LRRTM4: variants seen among roughly 807,000 people sequenced by gnomAD.
LRRTM4 encodes the protein leucine rich repeat transmembrane neuronal 4, also known as leucine-rich repeat transmembrane neuronal protein 4.
In LRRTM4, 25 loss-of-function variants were observed where a neutral mutation model predicts 47.6. The observed-to-expected ratio is 0.53, with a 90% CI of 0.38 to 0.73. LRRTM4 has a LOEUF of 0.73. Among genes scored for constraint, LRRTM4 ranks in the 30% least tolerant of loss-of-function variants. LRRTM4 has a pLI of 0.00. For missense variants in LRRTM4, 638 were observed against 713.4 expected (o/e 0.89, Z 1.20); for synonymous variants, 311 against 269.5 (o/e 1.15, Z -1.51).
At chr2:76,910,959 T>C (rs929959293) in intron 3 of LRRTM4, among the ~76,000 whole-genome samples, 1 of 152,218 alleles carries the variant, frequency 6.6e-6, no homozygotes, top group African/African-American at 2.4e-5. Context: ...ACATAAAATG[T>C]CTTTACTCAG....
intron 3 of LRRTM4, among the ~76,000 whole-genome samples, chr2:76,785,693 C>T (rs910055008): frequency 2.0e-5 from 3 of 152,120 alleles, no homozygotes; most frequent in Non-Finnish European, 4.4e-5. Flanking sequence ...TCACCCTTCT[C>T]ATATTTGTAT....
chr2:76,818,257 G>T (rs984478265), intron 3 of LRRTM4, among the ~76,000 whole-genome samples: 1 of 151,752 alleles, frequency 6.6e-6, no homozygotes, highest in Admixed American at 6.6e-5. Flanking sequence ...TGAAAACATG[G>T]TGTTTTATTG....
chr2:77,180,919 C>A (rs1265129522), intron 3 of LRRTM4, among the ~76,000 whole-genome samples: 1 of 152,196 alleles, frequency 6.6e-6, no homozygotes, highest in South Asian at 2.1e-4. Flanking sequence ...TCTTTCAGTA[C>A]ACTTACATAT....
At chr2:76,849,758 T>C (rs72819245) in intron 3 of LRRTM4, among the ~76,000 whole-genome samples, 1,997 of 152,250 alleles carry the variant, frequency 0.013, 39 homozygotes, top group East Asian at 0.062. Flanking sequence ...TTTGAATCTG[T>C]ATTTTATAAT....
chr2:77,485,155 A>C (rs1424717407), intron 3 of LRRTM4, among the ~76,000 whole-genome samples: 7 of 151,958 alleles, frequency 4.6e-5, no homozygotes, highest in Non-Finnish European at 8.8e-5. Flanking sequence ...CCTAAATATA[A>C]AATATAAATA....
chr2:77,279,858 C>T lies in LRRTM4; in HGVS notation c.1551+238460G>A, dbSNP rs73943817. ...TAGGATTTGAACTACTGAGCTTGTG[C>T]AAGTGGTTATGAGAGGAAAAAAACA... On this transcript the variant is annotated intron_variant, in intron 3 of 3. Transcript: ENST00000409884. 3.1e-3 allele frequency among the ~76,000 whole-genome samples: 467 copies of T among 151,872 alleles called. 2 individuals carry two copies. The highest frequency in any genetic ancestry group is 0.011 in the African/African-American group (442 of 41,456).
chr2:77,111,307 T>C (rs953038205), intron 3 of LRRTM4, among the ~76,000 whole-genome samples: 3 of 149,126 alleles, frequency 2.0e-5, no homozygotes, highest in Non-Finnish European at 3.0e-5. Context: ...TTTTTTGTAT[T>C]TTATTAGAAA....
At chr2:76,860,338 C>T (rs936823039) in intron 3 of LRRTM4, among the ~76,000 whole-genome samples, 2 of 152,040 alleles carry the variant, frequency 1.3e-5, no homozygotes, top group Admixed American at 6.6e-5. Context: ...ATTTGATATT[C>T]GATGATGTCT....
chr2:76,767,371 T>A (rs1251276519), intron 3 of LRRTM4, among the ~76,000 whole-genome samples: 1 of 152,218 alleles, frequency 6.6e-6, no homozygotes, highest in Non-Finnish European at 1.5e-5. Context: ...TTATGTGAAT[T>A]GAAAACTCAT....
At chr2:77,361,439 G>A (rs2104316519) in intron 3 of LRRTM4, among the ~76,000 whole-genome samples, 2 of 151,796 alleles carry the variant, frequency 1.3e-5, no homozygotes, top group South Asian at 2.1e-4. Flanking sequence ...GTCTTCATTC[G>A]CTTCATCCTT....
chr2:76,903,773 AAAT>A (rs1673725639), intron 3 of LRRTM4, among the ~76,000 whole-genome samples: 2 of 152,168 alleles, frequency 1.3e-5, no homozygotes, highest in African/African-American at 2.4e-5. Context: ...ACTGGGTTAC[AAAT>A]AATATTTATA....
intron 3 of LRRTM4, among the ~76,000 whole-genome samples, chr2:77,363,620 C>G (rs1270718698): frequency 1.3e-5 from 2 of 152,172 alleles, no homozygotes; most frequent in African/African-American, 4.8e-5. Context: ...ATCCGAAATT[C>G]TATTCTGATT....
chr2:77,225,379 A>T (rs191009572), intron 3 of LRRTM4, among the ~76,000 whole-genome samples: 8 of 151,988 alleles, frequency 5.3e-5, no homozygotes, highest in South Asian at 4.1e-4. Flanking sequence ...TAAAATAAAA[A>T]AAAAGACCCA....
chr2:77,222,587 G>C (rs1338970379), intron 3 of LRRTM4, among the ~76,000 whole-genome samples: 2 of 151,934 alleles, frequency 1.3e-5, no homozygotes, highest in African/African-American at 4.8e-5. Flanking sequence ...ACCTCTACAG[G>C]AATAAAGTAG....
chr2:77,024,565 T>C (rs1573465966), intron 3 of LRRTM4, among the ~76,000 whole-genome samples: 1 of 138,906 alleles, frequency 7.2e-6, no homozygotes, highest in African/African-American at 3.3e-5. Flanking sequence ...AAAAATCACA[T>C]TTTTTTTTGT....
At chr2:77,024,758 T>C (rs890778048) in intron 3 of LRRTM4, among the ~76,000 whole-genome samples, 3 of 152,152 alleles carry the variant, frequency 2.0e-5, no homozygotes, top group Non-Finnish European at 4.4e-5. Context: ...AAATTTAATA[T>C]GCTTGTAAAA....
chr2:77,015,588 T>A (rs894835410), intron 3 of LRRTM4, among the ~76,000 whole-genome samples: 3 of 152,066 alleles, frequency 2.0e-5, no homozygotes, highest in African/African-American at 7.2e-5. Context: ...CCTCCCAAAG[T>A]GCTGGGATTA....
chr2:76,814,302 TACA>T (rs1320207235), intron 3 of LRRTM4, among the ~76,000 whole-genome samples: 1 of 152,156 alleles, frequency 6.6e-6, no homozygotes, highest in Admixed American at 6.6e-5. Flanking sequence ...AGCCAAGTGT[TACA>T]ACAAGAGAGT....
In LRRTM4 at chr2:77,276,468, AATAT is replaced by A. The variant is rs145489343; in HGVS notation, c.1551+241846_1551+241849del. Among the ~76,000 whole-genome samples, 1,270 of 150,488 alleles carry A rather than the reference AATAT, an allele frequency of 8.4e-3. 25 individuals are homozygous for A. The highest frequency in any genetic ancestry group is 0.03 in the African/African-American group (1,212 of 41,032). On this transcript the variant is annotated intron_variant, in intron 3 of 3. Transcript: ENST00000409884. ...GAAAGGAAAGAATCTTGTCATAGGA[AATAT>A]ATATAGGCATACAACTATAGTGTGA...
Sources: gnomAD v4.1 joint callset for allele counts (sites outside exome capture counted in the v4.1 genomes callset) on GRCh38, gnomAD v4.1.1 for gene constraint, MANE v1.5 for transcripts, NCBI Gene and HGNC (gene_info 2026-07-23, HGNC 2026-07-21) for gene names.